Variants in ENOX1 observed in about 807,000 individuals in gnomAD.
ENOX1 encodes ecto-NOX disulfide-thiol exchanger 1.
A neutral mutation model predicts 82.5 loss-of-function variants in ENOX1; 42 were observed. The ratio of observed to expected loss-of-function variants is 0.51; its 90% CI spans 0.40 to 0.66. The LOEUF (loss-of-function observed/expected upper bound fraction) is 0.66. Among genes scored for constraint, ENOX1 ranks in the 30% least tolerant of loss-of-function variants. ENOX1 has a pLI of 0.00. For missense variants in ENOX1, 608 were observed against 811.6 expected, an observed-to-expected ratio of 0.75 and a Z score of 3.05; for synonymous variants, 271 against 282.2, an observed-to-expected ratio of 0.96 and a Z score of 0.40.
rs144428343 is a variant in ENOX1, at chr13:43,665,902, T to C, written c.-219+1577A>G. On this transcript the variant is annotated intron_variant, in intron 2 of 16. Coordinates refer to ENST00000690772, the MANE Select transcript of ENOX1 (RefSeq NM_001347969.2). ...CCTTGCCATTCGCTAATTCAACAAATATTAAGCAGCAGGCACCATACTAGA... is the reference window on the plus strand; with the variant it reads ...CCTTGCCATTCGCTAATTCAACAAACATTAAGCAGCAGGCACCATACTAGA... 2.7e-5 allele frequency among the ~76,000 whole-genome samples: 4 copies of C among 149,108 alleles called. No homozygotes were observed. The East Asian group carries it at 7.9e-4, about 29-fold the overall frequency.
At chr13:43,301,248 C>A (rs558892733) in intron 11 of ENOX1, among the ~76,000 whole-genome samples, 8 of 152,046 alleles carry the variant, frequency 5.3e-5, no homozygotes, top group African/African-American at 1.9e-4. Context: ...TCGATTAGTA[C>A]GCAGGGATGG....
At chr13:43,319,192 A>C (rs181970300) in intron 11 of ENOX1, among the ~76,000 whole-genome samples, 56 of 152,360 alleles carry the variant, frequency 3.7e-4, no homozygotes, top group African/African-American at 1.3e-3. Context: ...TCTAGAATGA[A>C]TGCTTCAATA....
At chr13:43,711,324 T>A (rs1199586617) in intron 1 of ENOX1, among the ~76,000 whole-genome samples, 1 of 152,170 alleles carries the variant, frequency 6.6e-6, no homozygotes, top group African/African-American at 2.4e-5. Flanking sequence ...TTACCGTTGT[T>A]CGACATTTGG....
At chr13:43,319,424 A>G (rs1031025488) in intron 11 of ENOX1, among the ~76,000 whole-genome samples, 1 of 152,222 alleles carries the variant, frequency 6.6e-6, no homozygotes, top group Non-Finnish European at 1.5e-5. Flanking sequence ...AATATTCTTC[A>G]TAACCAAAAA....
intron 9 of ENOX1, among the ~76,000 whole-genome samples, chr13:43,340,714 T>C (rs1169699872): frequency 6.6e-6 from 1 of 152,196 alleles, no homozygotes; most frequent in Non-Finnish European, 1.5e-5. Flanking sequence ...TGAAACCTTG[T>C]TTCCTGCAGA....
intron 14 of ENOX1, among the ~76,000 whole-genome samples, chr13:43,240,432 G>C (rs1369797900): frequency 6.6e-6 from 1 of 152,146 alleles, no homozygotes; most frequent in Non-Finnish European, 1.5e-5. Context: ...AGAGTTTTCA[G>C]TTCTGCATTT....
chr13:43,742,138 T>C (rs1394000418), intron 1 of ENOX1, among the ~76,000 whole-genome samples: 1 of 152,126 alleles, frequency 6.6e-6, no homozygotes, highest in Non-Finnish European at 1.5e-5. Context: ...TCATAAATCA[T>C]GTATATTAGG....
intron 2 of ENOX1, among the ~76,000 whole-genome samples, chr13:43,602,712 C>A (rs531575181): frequency 2.6e-5 from 4 of 151,664 alleles, no homozygotes; most frequent in Non-Finnish European, 5.9e-5. Flanking sequence ...GGGATAATAC[C>A]AAGGGTTTGA....
At chr13:43,326,577 T>G in intron 9 of ENOX1, 52 bp from the exon 10 acceptor site, 14 of 1,422,492 alleles carry the variant, frequency 9.8e-6, no homozygotes, top group Non-Finnish European at 1.3e-5. Context: ...TTGTGATCAC[T>G]ATAGGGAAGC....
At chr13:43,423,958 T>A (rs1462342184) in intron 3 of ENOX1, among the ~76,000 whole-genome samples, 1 of 152,154 alleles carries the variant, frequency 6.6e-6, no homozygotes. Flanking sequence ...AGCTATGGAC[T>A]CCTGAGACAG....
chr13:43,247,852 TATATATATATATATATATATA>T (rs1566328862), intron 14 of ENOX1, among the ~76,000 whole-genome samples: 111 of 2,824 alleles, frequency 0.039, 10 homozygotes, highest in East Asian at 0.088. Context: ...TATATATATA[TATATATATATATATATATATA>T]TATATATATA....
chr13:43,398,199 C>T (rs2053268473), intron 5 of ENOX1, among the ~76,000 whole-genome samples: 1 of 152,188 alleles, frequency 6.6e-6, no homozygotes, highest in Non-Finnish European at 1.5e-5. Flanking sequence ...AGCAGATACT[C>T]AATACACGAG....
intron 2 of ENOX1, among the ~76,000 whole-genome samples, chr13:43,594,984 G>T (rs1244554807): frequency 1.3e-5 from 2 of 151,830 alleles, no homozygotes; most frequent in African/African-American, 4.8e-5. Context: ...TAAGAAGGTT[G>T]TCAGAAGTGA....
intron 1 of ENOX1, among the ~76,000 whole-genome samples, chr13:43,722,378 G>A (rs1216399558): frequency 1.3e-5 from 2 of 152,168 alleles, no homozygotes; most frequent in African/African-American, 2.4e-5. Context: ...AGGTTTAAGA[G>A]TGACCAGTGA....
At chr13:43,439,407 C>T (rs181800506) in intron 3 of ENOX1, among the ~76,000 whole-genome samples, 2,289 of 152,016 alleles carry the variant, frequency 0.015, 28 homozygotes, top group Non-Finnish European at 0.023. Context: ...TCACCATGCT[C>T]GTCAGGCTGG....
At chr13:43,470,377 C>CATATATATGTAT in intron 3 of ENOX1, among the ~76,000 whole-genome samples, 1 of 27,056 alleles carries the variant, frequency 3.7e-5, no homozygotes, top group African/African-American at 1.3e-4. Context: ...TATATATATA[C>CATATATATGTAT]ATATATATAC....
intron 3 of ENOX1, among the ~76,000 whole-genome samples, chr13:43,464,820 C>T (rs1270266545): frequency 6.6e-6 from 1 of 152,136 alleles, no homozygotes; most frequent in African/African-American, 2.4e-5. Context: ...GGATCCAGTC[C>T]AGTCTAGGAT....
At chr13:43,417,832 C>T (rs1354023904) in intron 3 of ENOX1, among the ~76,000 whole-genome samples, 1 of 152,150 alleles carries the variant, frequency 6.6e-6, no homozygotes, top group Admixed American at 6.5e-5. Context: ...CTTGATATTT[C>T]TAAAAGTAAG....
chr13:43,527,799 T>C (rs1238350403), intron 2 of ENOX1, among the ~76,000 whole-genome samples: 4 of 152,138 alleles, frequency 2.6e-5, no homozygotes, highest in Admixed American at 2.0e-4. Context: ...GACACCTGAA[T>C]TTATCTTTTC....
Sources: allele counts gnomAD v4.1 joint callset (sites outside exome capture counted in the v4.1 genomes callset), GRCh38; gene constraint gnomAD v4.1.1; transcripts MANE v1.5; gene names NCBI Gene and HGNC (gene_info 2026-07-23, HGNC 2026-07-21).